Variants in STYXL2 observed in about 807,000 individuals in gnomAD.
STYXL2 encodes the protein serine/threonine/tyrosine-interacting-like protein 2.
In STYXL2, 44 loss-of-function variants were observed where a neutral mutation model predicts 52.4. The ratio of observed to expected loss-of-function variants is 0.84; its 90% CI spans 0.66 to 1.08. STYXL2 has a LOEUF of 1.08. Ranked by LOEUF, STYXL2 falls within the 50% of genes least tolerant of loss-of-function variation. STYXL2 has a pLI of 0.00. For synonymous variants in STYXL2, 604 were observed against 586.9 expected (o/e 1.03, Z -0.42); for missense variants, 1,604 against 1,471.7 (o/e 1.09, Z -1.47).
At position 167,119,275 on chromosome 1, in the gene STYXL2, T is replaced by A; in HGVS notation, c.464T>A (p.Leu155Gln). 1 of 1,614,202 alleles carries A rather than the reference T, an allele frequency of 6.2e-7. No individual in the cohort carries two copies. Among genetic ancestry groups the A allele is most frequent in the African/African-American group, 1.3e-5 (1 of 75,050 alleles). The change falls in exon 5 of 6, where the codon CTG (leucine) becomes CAG (glutamine). Residue 155 changes from leucine (L) to glutamine (Q), a missense_variant. Leu to Gln is a moderately radical substitution (Grantham distance 113). Coordinates refer to ENST00000361200, the MANE Select transcript of STYXL2 (RefSeq NM_001080426.3). ...AGTGTGGCTGTGAACAAGGGGAGGC[T>A]GAAGAGGCTGGGAATCACCCACATT... ...EKSVAVNKGRLKRLGITHILN... is the reference protein window; with the variant it reads ...EKSVAVNKGRQKRLGITHILN...
chr1:167,127,112 G>A lies in STYXL2; in HGVS notation c.1981G>A (p.Ala661Thr). The A allele has an allele frequency of 6.2e-6, 10 of 1,614,034 alleles. No individual in the cohort carries two copies. The highest frequency in any genetic ancestry group is 8.5e-6 in the Non-Finnish European group (10 of 1,179,926). ...STASGSIPLS[A>T]FWSADPSVSA... ...GGCCAGCGGGAGCATTCCCCTGTCT[G>A]CGTTCTGGTCTGCAGACCCCTCAGT... Residue 661 changes from alanine to threonine, a missense_variant, in exon 6 of 6, where the codon GCG becomes ACG. By Grantham distance (58) the Ala-to-Thr change is moderately conservative (BLOSUM62 0). Transcript: ENST00000361200.
In STYXL2 at chr1:167,119,400, G is replaced by C. The variant is rs371773446; in HGVS notation, c.589G>C (p.Val197Leu). The change falls in exon 5 of 6, where the codon GTG becomes CTG. Residue 197 changes from valine (V) to leucine (L), a missense_variant. Coordinates refer to ENST00000361200, the MANE Select transcript of STYXL2 (RefSeq NM_001080426.3). ...LGVEVDDFPE[V>L]DISQHFRKAS... Reference sequence around the variant, plus strand: ...TGTAGAGGTGGATGACTTTCCTGAGGTGGACATTTCCCAGCATTTCCGGAA... The same window carrying C: ...TGTAGAGGTGGATGACTTTCCTGAGCTGGACATTTCCCAGCATTTCCGGAA... 6 of 1,614,188 alleles carry C rather than the reference G, an allele frequency of 3.7e-6. No individual in the cohort carries two copies. Among genetic ancestry groups the C allele is most frequent in the Non-Finnish European group, 5.1e-6 (6 of 1,180,026 alleles).
chr1:167,113,779 T>G lies in STYXL2; in HGVS notation c.180T>G (p.Ile60Met), dbSNP rs1407789785. 4.3e-6 allele frequency: 7 copies of G among 1,613,936 alleles called. No individual in the cohort carries two copies. Among genetic ancestry groups the G allele is most frequent in the Non-Finnish European group, 5.9e-6 (7 of 1,179,938 alleles). The change falls in exon 3 of 6, where the codon ATT becomes ATG. Residue 60 changes from isoleucine (I) to methionine (M), a missense_variant. Physicochemically the swap from Ile to Met is conservative, Grantham distance 10. Transcript: ENST00000361200. ...FMEPIHLSSA[I>M]AAKQIINEEL... ...AACCCATTCACCTCTCCTCAGCCATTGCAGCCAAACAGATCATCAATGAAG... is the reference window on the plus strand; with the variant it reads ...AACCCATTCACCTCTCCTCAGCCATGGCAGCCAAACAGATCATCAATGAAG...
At chr1:167,123,143 C>A (rs1158296074) in intron 5 of STYXL2, among the ~76,000 whole-genome samples, 1 of 152,170 alleles carries the variant, frequency 6.6e-6, no homozygotes, top group Non-Finnish European at 1.5e-5. Context: ...GAAGAGGCCC[C>A]CTAGAGTTGT....
chr1:167,125,955 A>G lies in STYXL2; in HGVS notation c.824A>G (p.Asn275Ser), dbSNP rs1266762372. 11 of 1,613,810 alleles carry G rather than the reference A, an allele frequency of 6.8e-6. No individual in the cohort carries two copies. Among genetic ancestry groups the G allele is most frequent in the East Asian group, 4.5e-5 (2 of 44,828 alleles). The change falls in exon 6 of 6, where the codon AAT (asparagine) becomes AGT (serine). Residue 275 changes from asparagine to serine, a missense_variant. Physicochemically the swap from Asn to Ser is conservative, Grantham distance 46. Coordinates refer to ENST00000361200, the MANE Select transcript of STYXL2 (RefSeq NM_001080426.3). ...TTCCTGAAGCAGCTGCGGGAGCTCA[A>G]TGAGAAGTTGATGGAGGAGAGAGAA... ...EGFLKQLREL[N>S]EKLMEEREED...
chr1:167,126,540 C>G lies in STYXL2; in HGVS notation c.1409C>G (p.Ser470Trp). Reference sequence around the variant, plus strand: ...CACGGCAGGAGGCGCCGCGCAGACTCGATGTCCTCGGAGAGCACCTGGGAC... The same window carrying G: ...CACGGCAGGAGGCGCCGCGCAGACTGGATGTCCTCGGAGAGCACCTGGGAC... ...PDHGRRRRADSMSSESTWDAW... is the reference protein window; with the variant it reads ...PDHGRRRRADWMSSESTWDAW... Residue 470 changes from serine (S) to tryptophan (W), a missense_variant, in exon 6 of 6, where the codon TCG becomes TGG. Transcript: ENST00000361200. The G allele has an allele frequency of 6.2e-7, 1 of 1,613,646 alleles. No individual in the cohort carries two copies. Among genetic ancestry groups the G allele is most frequent in the East Asian group, 2.2e-5 (1 of 44,800 alleles).
intron 5 of STYXL2, among the ~76,000 whole-genome samples, chr1:167,121,779 T>C (rs764960332): frequency 3.9e-5 from 6 of 152,204 alleles, no homozygotes; most frequent in Non-Finnish European, 8.8e-5. Flanking sequence ...GAGCGCTGAG[T>C]GTCCAGATCC....
intron 2 of STYXL2, among the ~76,000 whole-genome samples, chr1:167,111,144 G>T (rs977416248): frequency 3.3e-5 from 5 of 152,088 alleles, no homozygotes; most frequent in African/African-American, 1.2e-4. Flanking sequence ...CGGTGTTCCT[G>T]AGAAAGAAGA....
chr1:167,126,028 G>T lies in STYXL2; in HGVS notation c.897G>T (p.Glu299Asp). 2 of 1,597,372 alleles carry T rather than the reference G, an allele frequency of 1.3e-6. No individual in the cohort carries two copies. Among genetic ancestry groups the T allele is most frequent in the African/African-American group, 1.3e-5 (1 of 74,558 alleles). Residue 299 changes from glutamate to aspartate, a missense_variant, in exon 6 of 6, where the codon GAG (glutamate) becomes GAT (aspartate). Physicochemically the swap from Glu to Asp is conservative, Grantham distance 45. Coordinates refer to ENST00000361200, the MANE Select transcript of STYXL2 (RefSeq NM_001080426.3). ...EGGSAEAEEG[E>D]GTGSMLGARV... ...GATCAGCTGAGGCTGAGGAGGGCGA[G>T]GGCACTGGGAGCATGCTCGGGGCCA... is the stretch of plus-strand genomic sequence containing the variant.
In STYXL2 at chr1:167,127,864, A is replaced by T. The variant is rs1324824430; in HGVS notation, c.2733A>T (p.Thr911=). 6.2e-7 allele frequency: 1 copy of T among 1,614,004 alleles called. No homozygotes were observed. Among genetic ancestry groups the T allele is most frequent in the Admixed American group, 1.7e-5 (1 of 60,018 alleles). ...ATTCCCAGAAACCTGAAACAGACAC[A>T]TGCTCCTCCCTGGCTGTCTGTGATC... is the stretch of plus-strand genomic sequence containing the variant. ...RSNSQKPETD[T]CSSLAVCDHY... Residue 911 remains threonine (T), a synonymous_variant, in exon 6 of 6, where the codon ACA becomes ACT. Coordinates refer to ENST00000361200, the MANE Select transcript of STYXL2 (RefSeq NM_001080426.3).
At position 167,113,757 on chromosome 1, in the gene STYXL2, C is replaced by G. The variant is rs777190262; in HGVS notation, c.158C>G (p.Pro53Arg). 1.2e-6 allele frequency: 2 copies of G among 1,614,040 alleles called. No homozygotes were observed. Among genetic ancestry groups the G allele is most frequent in the Middle Eastern group, 1.6e-4 (1 of 6,062 alleles). The change falls in exon 3 of 6, where the codon CCC becomes CGC. Residue 53 changes from proline (P) to arginine (R), a missense_variant. Coordinates refer to ENST00000361200, the MANE Select transcript of STYXL2 (RefSeq NM_001080426.3). ...GAAACAGAAAGCATTTTCATGGAAC[C>G]CATTCACCTCTCCTCAGCCATTGCA... ...DAETESIFME[P>R]IHLSSAIAAK...
chr1:167,102,682 T>C (rs1295502771), intron 2 of STYXL2, among the ~76,000 whole-genome samples: 3 of 152,222 alleles, frequency 2.0e-5, no homozygotes, highest in Non-Finnish European at 4.4e-5. Flanking sequence ...AATTCTGCCA[T>C]GAGCAAATCC....
rs1371608788 is a variant in STYXL2, at chr1:167,117,506, G to C, written c.384G>C (p.Glu128Asp). ...LQRALVQDRQ[E>D]APWNEVDEVW... ...GGGCCCTGGTTCAGGATCGCCAAGA[G>C]GCGCCCTGGAATGAGGTGGATGAGG... The change falls in exon 4 of 6, where the codon GAG becomes GAC. Residue 128 changes from glutamate (E) to aspartate (D), a missense_variant. By Grantham distance (45) the Glu-to-Asp change is conservative (BLOSUM62 2). Transcript: ENST00000361200. The C allele has an allele frequency of 6.2e-7, 1 of 1,611,146 alleles. No individual in the cohort carries two copies. Among genetic ancestry groups the C allele is most frequent in the Non-Finnish European group, 8.5e-7 (1 of 1,178,730 alleles).
intron 5 of STYXL2, among the ~76,000 whole-genome samples, chr1:167,120,011 G>C (rs1667817469): frequency 2.0e-5 from 3 of 152,252 alleles, no homozygotes; most frequent in Admixed American, 2.0e-4. Flanking sequence ...GAGCATGGTG[G>C]ATGAAGGTTG....
intron 4 of STYXL2, among the ~76,000 whole-genome samples, chr1:167,118,287 C>G (rs1056116950): frequency 6.6e-6 from 1 of 152,156 alleles, no homozygotes; most frequent in African/African-American, 2.4e-5. Flanking sequence ...TGCATAATTG[C>G]GACCACTTGG....
In STYXL2 at chr1:167,128,443, A is replaced by G. The variant is rs779452687; in HGVS notation, c.3312A>G (p.Thr1104=). ...RSEEEGEKER[T]ENREEGRFAS... is the part of the protein sequence containing the mutation. The stretch of plus-strand genomic sequence containing the variant: ...AAGAAGAGGGAGAGAAAGAGAGGAC[A>G]GAAAACAGAGAAGAAGGGAGGTTTG... The change falls in exon 6 of 6, where the codon ACA becomes ACG. Residue 1104 remains threonine, a synonymous_variant. Transcript: ENST00000361200. 24 of 1,614,026 alleles carry G rather than the reference A, an allele frequency of 1.5e-5. No individual in the cohort carries two copies. In the South Asian group the frequency reaches 2.5e-4, roughly 17 times the overall value.
intron 1 of STYXL2, chr1:167,094,545 A>T: frequency 2.8e-6 from 1 of 351,720 alleles, no homozygotes; most frequent in Non-Finnish European, 5.3e-6. Flanking sequence ...AGATCAGGTA[A>T]CCTGCTGGCT....
intron 2 of STYXL2, among the ~76,000 whole-genome samples, chr1:167,108,531 A>G (rs907464613): frequency 6.6e-6 from 1 of 152,094 alleles, no homozygotes; most frequent in Non-Finnish European, 1.5e-5. Context: ...CACAACCGCT[A>G]TCGTAAAACT....
At chr1:167,120,687 G>A (rs2102242536) in intron 5 of STYXL2, among the ~76,000 whole-genome samples, 1 of 151,660 alleles carries the variant, frequency 6.6e-6, no homozygotes, top group African/African-American at 2.4e-5. Flanking sequence ...CTGCTGGAGT[G>A]CTCACTATAG....
Sources: gnomAD v4.1 joint callset for allele counts (sites outside exome capture counted in the v4.1 genomes callset) on GRCh38, gnomAD v4.1.1 for gene constraint, MANE v1.5 for transcripts, NCBI Gene and HGNC (gene_info 2026-07-23, HGNC 2026-07-21) for gene names.